SORD: variants seen among roughly 807,000 people sequenced by gnomAD.
SORD encodes the protein sorbitol dehydrogenase.
SORD carries 18 observed loss-of-function variants against 35.6 expected under a neutral mutation model. That is an observed-to-expected ratio of 0.51 (90% CI 0.35 to 0.75). The LOEUF is 0.75. SORD is among the 30% of genes least tolerant of loss of function. SORD has a pLI of 0.01. For synonymous variants in SORD, 106 were observed against 152.9 expected, an observed-to-expected ratio of 0.69 and a Z score of 2.26; for missense variants, 250 against 390.2, an observed-to-expected ratio of 0.64 and a Z score of 3.03.
intron 3 of SORD, among the ~76,000 whole-genome samples, chr15:45,054,214 T>C (rs1011583813): frequency 1.3e-3 from 205 of 152,310 alleles, no homozygotes; most frequent in Non-Finnish European, 2.3e-3. Context: ...CCTGAGGAAT[T>C]GCCACACTGA....
chr15:45,040,282 T>G, intron 1 of SORD, 126 bp from the exon 2 acceptor site: 1 of 683,590 alleles, frequency 1.5e-6, no homozygotes, highest in South Asian at 1.8e-5. Context: ...CAGTGTGGTC[T>G]GAGCTTGTGT....
At chr15:45,032,162 G>A (rs894877434) in intron 1 of SORD, among the ~76,000 whole-genome samples, 22 of 137,060 alleles carry the variant, frequency 1.6e-4, no homozygotes, top group African/African-American at 5.4e-4. Context: ...GGGTAAAATG[G>A]GCAGTTGTTA....
At chr15:45,067,188 C>T (rs1431585678) in intron 5 of SORD, among the ~76,000 whole-genome samples, 1 of 152,084 alleles carries the variant, frequency 6.6e-6, no homozygotes, top group African/African-American at 2.4e-5. Flanking sequence ...ATGGTGAAAC[C>T]CCGTCTCTAC....
intron 1 of SORD, among the ~76,000 whole-genome samples, chr15:45,035,010 C>T (rs990077034): frequency 6.6e-6 from 1 of 152,106 alleles, no homozygotes; most frequent in African/African-American, 2.4e-5. Context: ...CTGGGTCCCC[C>T]AGCAGTGCCG....
chr15:45,045,307 G>T (rs1304201864), intron 3 of SORD, among the ~76,000 whole-genome samples: 1 of 152,142 alleles, frequency 6.6e-6, no homozygotes, highest in Non-Finnish European at 1.5e-5. Flanking sequence ...GGAAGCTGTG[G>T]TGGGCAGGTC....
intron 1 of SORD, among the ~76,000 whole-genome samples, chr15:45,029,814 G>A (rs1256143565): frequency 1.3e-5 from 2 of 152,274 alleles, no homozygotes; most frequent in Non-Finnish European, 2.9e-5. Context: ...CTGGAGAGGG[G>A]ATGGGAAGGG....
chr15:45,070,488 G>T, intron 7 of SORD: 1 of 154,556 alleles, frequency 6.5e-6, no homozygotes. Context: ...GAAGCAGTGG[G>T]GGAGAGGGAG....
In SORD at chr15:45,026,296, G is replaced by C. The variant is rs370006230; in HGVS notation, c.66+2947G>C. ...AGGAACAATCCTGGGGAAGCTTTGA[G>C]GGGAACCACCCATTTTCCTCTCTGC... On this transcript the variant is annotated intron_variant, in intron 1 of 8. Transcript: ENST00000267814. 5.9e-5 allele frequency among the ~76,000 whole-genome samples: 9 copies of C among 152,296 alleles called. No homozygotes were observed. The East Asian group carries it at 1.7e-3, about 29-fold the overall frequency.
chr15:45,060,253 A>G (rs777182242), intron 3 of SORD, among the ~76,000 whole-genome samples: 1 of 152,248 alleles, frequency 6.6e-6, no homozygotes, highest in Non-Finnish European at 1.5e-5. Flanking sequence ...TAAAGTGAAC[A>G]TAGCTAGATG....
At chr15:45,027,845 T>G (rs907088114) in intron 1 of SORD, among the ~76,000 whole-genome samples, 2 of 152,234 alleles carry the variant, frequency 1.3e-5, no homozygotes, top group African/African-American at 4.8e-5. Flanking sequence ...CAATGTAGGG[T>G]TCACTCGAAT....
chr15:45,034,693 C>T (rs1566957577), intron 1 of SORD, among the ~76,000 whole-genome samples: 2 of 152,118 alleles, frequency 1.3e-5, no homozygotes, highest in Non-Finnish European at 2.9e-5. Context: ...CAGCCCTCTT[C>T]GCTCTCCGCG....
intron 1 of SORD, among the ~76,000 whole-genome samples, chr15:45,026,515 T>C (rs890118512): frequency 5.9e-5 from 9 of 152,120 alleles, no homozygotes; most frequent in East Asian, 1.9e-4. Context: ...TCTGGCTGGC[T>C]GGGGAACTGC....
At chr15:45,062,948 T>C (rs191440240) in intron 4 of SORD, among the ~76,000 whole-genome samples, 1 of 148,056 alleles carries the variant, frequency 6.8e-6, no homozygotes, top group Admixed American at 6.6e-5. Context: ...TGGCACATAG[T>C]AAATGCTCAG....
At chr15:45,034,922 C>T (rs1892836935) in intron 1 of SORD, among the ~76,000 whole-genome samples, 1 of 152,222 alleles carries the variant, frequency 6.6e-6, no homozygotes. Flanking sequence ...GGGCCCCGCA[C>T]TCAGAGCAGC....
At chr15:45,035,416 G>C (rs149318699) in intron 1 of SORD, among the ~76,000 whole-genome samples, 2,691 of 151,986 alleles carry the variant, frequency 0.018, 46 homozygotes, top group Non-Finnish European at 0.023. Context: ...CCTGTGTCGA[G>C]CTCAGGGTTT....
chr15:45,062,989 G>C, intron 4 of SORD, among the ~76,000 whole-genome samples: 1 of 148,550 alleles, frequency 6.7e-6, no homozygotes, highest in East Asian at 1.9e-4. Flanking sequence ...CATAGTCATG[G>C]CCTAGTGGTC....
intron 1 of SORD, among the ~76,000 whole-genome samples, chr15:45,032,518 G>A (rs1566957148): frequency 6.6e-6 from 1 of 152,042 alleles, no homozygotes; most frequent in Non-Finnish European, 1.5e-5. Flanking sequence ...ACCTCCTGCG[G>A]GATCTGAAAG....
chr15:45,059,662 T>TAA (rs914904257), intron 3 of SORD, among the ~76,000 whole-genome samples: 3 of 152,110 alleles, frequency 2.0e-5, no homozygotes, highest in Admixed American at 2.0e-4. Flanking sequence ...CTCAGCTAAT[T>TAA]AAAAAAATTT....
intron 2 of SORD, among the ~76,000 whole-genome samples, chr15:45,041,017 G>C (rs1198730993): frequency 1.3e-5 from 2 of 152,196 alleles, no homozygotes; most frequent in African/African-American, 4.8e-5. Flanking sequence ...GAAAGTGAGT[G>C]AGCACACTGG....
Sources: allele counts gnomAD v4.1 joint callset (sites outside exome capture counted in the v4.1 genomes callset), GRCh38; gene constraint gnomAD v4.1.1; transcripts MANE v1.5; gene names NCBI Gene and HGNC (gene_info 2026-07-23, HGNC 2026-07-21).